The following UBE2QL1 variants were observed in gnomAD, a reference collection of about 807,000 sequenced individuals.
UBE2QL1 encodes the protein ubiquitin-conjugating enzyme E2Q-like protein 1.
Under a neutral mutation model 12.6 loss-of-function variants are expected in UBE2QL1, and 5 were observed. The ratio of observed to expected loss-of-function variants is 0.40; its 90% CI spans 0.21 to 0.83. The LOEUF (loss-of-function observed/expected upper bound fraction) is 0.83, where lower values mean the gene tolerates loss of function less well. Among genes scored for constraint, UBE2QL1 ranks in the 40% least tolerant of loss-of-function variants. The probability of loss-of-function intolerance (pLI) is 0.37; values close to 1 mark genes in which losing one functional copy is unlikely to be tolerated. For missense variants in UBE2QL1, 99 were observed against 222.6 expected (o/e 0.44, Z 3.53); for synonymous variants, 96 against 94.5 (o/e 1.02, Z -0.10).
Position 6,495,821 on chromosome 5 carries a change from A to G in UBE2QL1, c.*4472A>G, listed in dbSNP as rs73043537. 0.039 allele frequency among the ~76,000 whole-genome samples: 5,935 copies of G among 152,250 alleles called. 379 individuals are homozygous for G. Among genetic ancestry groups the G allele is most frequent in the African/African-American group, 0.13 (5,315 of 41,522 alleles). ...ACAGCTCTGTTCTTAGTTTTCTGCT[A>G]GGTTCTACTTATCCTTCTAATTTTT... is the stretch of plus-strand genomic sequence containing the variant. On this transcript the variant is annotated 3_prime_UTR_variant, in exon 2 of 2. Transcript: ENST00000399816.
Position 6,479,016 on chromosome 5 carries a change from G to A in UBE2QL1, c.355-12202G>A, listed in dbSNP as rs1001961311. Among the ~76,000 whole-genome samples the A allele has an allele frequency of 6.6e-6, 1 of 152,140 alleles. No individual in the cohort carries two copies. Among genetic ancestry groups the A allele is most frequent in the Non-Finnish European group, 1.5e-5 (1 of 68,012 alleles). Reference sequence around the variant, plus strand: ...CATGACAGAGCTGCCTGCCCTGGGGGCGTCCCTTCTATCGTGTGCAGCATC... The same window carrying A: ...CATGACAGAGCTGCCTGCCCTGGGGACGTCCCTTCTATCGTGTGCAGCATC... On this transcript the variant is annotated intron_variant, in intron 1 of 1. Coordinates refer to ENST00000399816, the MANE Select transcript of UBE2QL1 (RefSeq NM_001145161.3). This position sits in a 1 kb window ranked among gnomAD's most constrained non-coding sequence, Gnocchi z 4.2.
chr5:6,451,378 A>G (rs1739409583), intron 1 of UBE2QL1, among the ~76,000 whole-genome samples: 1 of 152,270 alleles, frequency 6.6e-6, no homozygotes. Context: ...GGCAATATAT[A>G]AAATACACGG....
At chr5:6,463,879 G>A (rs1579291292) in intron 1 of UBE2QL1, among the ~76,000 whole-genome samples, 2 of 151,938 alleles carry the variant, frequency 1.3e-5, no homozygotes, top group South Asian at 2.1e-4. Flanking sequence ...CACCCGCCTC[G>A]GCCTCCCAGA....
intron 1 of UBE2QL1, among the ~76,000 whole-genome samples, chr5:6,456,569 TGTTCA>T (rs1487992651): frequency 2.0e-5 from 3 of 152,244 alleles, no homozygotes; most frequent in Non-Finnish European, 4.4e-5. Flanking sequence ...AAGGTTTAAT[TGTTCA>T]GTTATTTTCT....
In UBE2QL1 at chr5:6,481,882, G is replaced by A. The variant is rs139015873; in HGVS notation, c.355-9336G>A. Among the ~76,000 whole-genome samples, 5 of 152,350 alleles carry A rather than the reference G, an allele frequency of 3.3e-5. No individual in the cohort carries two copies. The highest frequency in any genetic ancestry group is 1.2e-4 in the African/African-American group (5 of 41,582). On this transcript the variant is annotated intron_variant, in intron 1 of 1. Coordinates refer to ENST00000399816, the MANE Select transcript of UBE2QL1 (RefSeq NM_001145161.3). This position sits in a 1 kb window ranked among gnomAD's most constrained non-coding sequence, Gnocchi z 4.5. ...AATGGGTGCAAGTGCTGAGGTACAG[G>A]TGAAAGGCCTCTCTGTCAGCTTTAT...
chr5:6,489,861 GT>G (rs1403154791), intron 1 of UBE2QL1, among the ~76,000 whole-genome samples: 1 of 152,236 alleles, frequency 6.6e-6, no homozygotes, highest in Non-Finnish European at 1.5e-5. Flanking sequence ...GGAGCTGCTG[GT>G]GGGGAGGCCT....
intron 1 of UBE2QL1, among the ~76,000 whole-genome samples, chr5:6,464,188 A>C (rs558080362): frequency 2.6e-5 from 4 of 152,214 alleles, no homozygotes; most frequent in Non-Finnish European, 4.4e-5. Context: ...TTGTAAACCA[A>C]GACCTCAGTG....
chr5:6,456,654 G>T (rs1026031842), intron 1 of UBE2QL1, among the ~76,000 whole-genome samples: 3 of 152,078 alleles, frequency 2.0e-5, no homozygotes, highest in Non-Finnish European at 4.4e-5. Flanking sequence ...TTCCCATGAC[G>T]ACCCTTCCCC....
At chr5:6,474,306 G>T (rs1447551999) in intron 1 of UBE2QL1, among the ~76,000 whole-genome samples, 1 of 152,236 alleles carries the variant, frequency 6.6e-6, no homozygotes, top group Non-Finnish European at 1.5e-5. Flanking sequence ...GCATGGCATT[G>T]GAGTGGGGCA....
At position 6,474,198 on chromosome 5, in the gene UBE2QL1, T is replaced by C. The variant is rs148290743; in HGVS notation, c.355-17020T>C. Among the ~76,000 whole-genome samples the C allele has an allele frequency of 3.3e-3, 502 of 152,356 alleles. 1 individual carries two copies. Among genetic ancestry groups the C allele is most frequent in the African/African-American group, 0.011 (477 of 41,586 alleles). On this transcript the variant is annotated intron_variant, in intron 1 of 1. Coordinates refer to ENST00000399816, the MANE Select transcript of UBE2QL1 (RefSeq NM_001145161.3). ...TGTTGCCTGTGCACGTGGTGTGTAG[T>C]GTACAGCCTGAGGGCTGGTACACCA... is the stretch of plus-strand genomic sequence containing the variant.
chr5:6,465,370 G>A (rs2126341749), intron 1 of UBE2QL1, among the ~76,000 whole-genome samples: 1 of 152,286 alleles, frequency 6.6e-6, no homozygotes, highest in East Asian at 1.9e-4. Context: ...AACAGAGCTG[G>A]AAAACATTTA....
Position 6,493,997 on chromosome 5 carries a change from A to T in UBE2QL1, c.*2648A>T, listed in dbSNP as rs1462170286. The T allele has an allele frequency of 1.3e-5, 2 of 152,222 alleles. No individual in the cohort carries two copies. Among genetic ancestry groups the T allele is most frequent in the African/African-American group, 4.8e-5 (2 of 41,440 alleles). The allele number at this position is 152,222 out of a possible 1,614,324, so 9.4% of individuals were successfully genotyped here. On this transcript the variant is annotated 3_prime_UTR_variant, in exon 2 of 2. Coordinates refer to ENST00000399816, the MANE Select transcript of UBE2QL1 (RefSeq NM_001145161.3). The stretch of plus-strand genomic sequence containing the variant: ...TTCCTCTTTGGACAGACAGCGAGGG[A>T]ATAATCAGACAGTGGGTGCAAATGT...
intron 1 of UBE2QL1, among the ~76,000 whole-genome samples, chr5:6,475,533 G>A (rs1328434421): frequency 6.6e-6 from 1 of 152,190 alleles, no homozygotes; most frequent in African/African-American, 2.4e-5. Flanking sequence ...CTGGAAAGGT[G>A]GAATGATACT....
chr5:6,495,545 A>G lies in UBE2QL1; in HGVS notation c.*4196A>G, dbSNP rs938628115. On this transcript the variant is annotated 3_prime_UTR_variant, in exon 2 of 2. Coordinates refer to ENST00000399816, the MANE Select transcript of UBE2QL1 (RefSeq NM_001145161.3). ...ATCCTTTATGTTGCTTCATGAGACT[A>G]TTAGGCAATTCATGTGGCCCTCACC... 3.3e-5 allele frequency among the ~76,000 whole-genome samples: 5 copies of G among 152,088 alleles called. No homozygotes were observed. Among genetic ancestry groups the G allele is most frequent in the African/African-American group, 1.2e-4 (5 of 41,424 alleles).
At chr5:6,449,868 A>ACCCCCCCCCC (rs5865654) in intron 1 of UBE2QL1, among the ~76,000 whole-genome samples, 1 of 117,180 alleles carries the variant, frequency 8.5e-6, no homozygotes, top group Non-Finnish European at 1.8e-5. Flanking sequence ...CACCTCCCCA[A>ACCCCCCCCCC]CCCCCCCCAC....
rs1734356109 is a variant in UBE2QL1 at position 6,481,317 on chromosome 5, C to T, written c.355-9901C>T. ...GGCCCCGGGTCACTTGGCATGGTGG[C>T]CCACCACCTCCATCCCATCTCGCCT... is the stretch of plus-strand genomic sequence containing the variant. On this transcript the variant is annotated intron_variant, in intron 1 of 1. Transcript: ENST00000399816. This position sits in a 1 kb window ranked among gnomAD's most constrained non-coding sequence, Gnocchi z 4.5. Among the ~76,000 whole-genome samples, 1 of 152,210 alleles carries T rather than the reference C, an allele frequency of 6.6e-6. No homozygotes were observed. Among genetic ancestry groups the T allele is most frequent in the Non-Finnish European group, 1.5e-5 (1 of 68,036 alleles).
At position 6,473,595 on chromosome 5, in the gene UBE2QL1, T is replaced by C. The variant is rs969225886; in HGVS notation, c.355-17623T>C. The stretch of plus-strand genomic sequence containing the variant: ...CATTAACGCTCTCTAACAAATTCAG[T>C]TCCTCAAAAATAGCTGAGCCTTTAG... On this transcript the variant is annotated intron_variant, in intron 1 of 1. Coordinates refer to ENST00000399816, the MANE Select transcript of UBE2QL1 (RefSeq NM_001145161.3). 2.6e-5 allele frequency among the ~76,000 whole-genome samples: 4 copies of C among 152,252 alleles called. No homozygotes were observed. The East Asian group carries it at 5.8e-4, about 22-fold the overall frequency.
At chr5:6,483,595 G>A (rs985400482) in intron 1 of UBE2QL1, among the ~76,000 whole-genome samples, 4 of 152,196 alleles carry the variant, frequency 2.6e-5, no homozygotes, top group African/African-American at 9.6e-5. Flanking sequence ...GCCTCTCCTG[G>A]ACACGCACAG....
rs887836874 is a variant in UBE2QL1 at position 6,492,436 on chromosome 5, G to A, written c.*1087G>A. Reference sequence around the variant, plus strand: ...CTTCCTGTTATTTAATCTCCCCCACGGTTTCATTTTTCTCTTCTGTTAATA... The same window carrying A: ...CTTCCTGTTATTTAATCTCCCCCACAGTTTCATTTTTCTCTTCTGTTAATA... On this transcript the variant is annotated 3_prime_UTR_variant, in exon 2 of 2. Coordinates refer to ENST00000399816, the MANE Select transcript of UBE2QL1 (RefSeq NM_001145161.3). 2 of 152,052 alleles carry A rather than the reference G, an allele frequency of 1.3e-5. No individual in the cohort carries two copies. Among genetic ancestry groups the A allele is most frequent in the African/African-American group, 4.8e-5 (2 of 41,382 alleles). The allele number at this position is 152,052 out of a possible 1,614,324, so 9.4% of individuals were successfully genotyped here. A position where few individuals can be genotyped will look rare whatever the true frequency, so the allele number is the denominator to read the frequency against.
Sources: allele counts gnomAD v4.1 joint callset (sites outside exome capture counted in the v4.1 genomes callset), GRCh38; gene constraint gnomAD v4.1.1; non-coding constraint Gnocchi (gnomAD v3.1); transcripts MANE v1.5; gene names NCBI Gene and HGNC (gene_info 2026-07-23, HGNC 2026-07-21).